KATNBL1: variants seen among roughly 807,000 people sequenced by gnomAD.
KATNBL1 encodes katanin regulatory subunit B1 like 1, also known as KATNB1-like protein 1.
A neutral mutation model predicts 44.7 loss-of-function variants in KATNBL1; 28 were observed. That is an observed-to-expected ratio of 0.63 (90% CI 0.46 to 0.86). The LOEUF is 0.86. Among genes scored for constraint, KATNBL1 ranks in the 40% least tolerant of loss-of-function variants. The pLI is 0.00. For synonymous variants in KATNBL1, 78 were observed against 114.9 expected, an observed-to-expected ratio of 0.68 and a Z score of 2.06; for missense variants, 272 against 350.7, an observed-to-expected ratio of 0.78 and a Z score of 1.79.
At chr15:34,206,424 G>C (rs941180203) in intron 1 of KATNBL1, among the ~76,000 whole-genome samples, 1 of 152,120 alleles carries the variant, frequency 6.6e-6, no homozygotes, top group Non-Finnish European at 1.5e-5. Context: ...AAAGTTAAGG[G>C]GTATTAAGCT....
chr15:34,148,458 T>G, intron 5 of KATNBL1, 174 bp downstream of exon 5: 1 of 470,764 alleles, frequency 2.1e-6, no homozygotes, highest in Non-Finnish European at 3.9e-6. Context: ...TGTGGTGATG[T>G]GCACCTGTAC....
In KATNBL1 at chr15:34,145,397, C is replaced by A. The variant is rs1385426580; in HGVS notation, c.882+1G>T. The A allele has an allele frequency of 1.4e-6, 2 of 1,441,646 alleles. No homozygotes were observed. The highest frequency in any genetic ancestry group is 1.8e-6 in the Non-Finnish European group (2 of 1,096,002). 89.3% of individuals were successfully genotyped at this position (1,441,646 alleles called of 1,614,324 possible). ...AATTTATAAGCTTAAATATAGATTA[C>A]CTTAGCTATATTACCAGTATATCCT... On this transcript the variant is annotated splice_donor_variant, in intron 9 of 9. Coordinates refer to ENST00000256544, the MANE Select transcript of KATNBL1 (RefSeq NM_024713.3). LOFTEE classifies it high-confidence loss of function.
chr15:34,154,470 G>T (rs1217440968), intron 3 of KATNBL1, among the ~76,000 whole-genome samples, 174 bp downstream of exon 3: 2 of 152,188 alleles, frequency 1.3e-5, no homozygotes, highest in African/African-American at 2.4e-5. Flanking sequence ...TAGGACTGTT[G>T]TAAGGAGCAG....
intron 1 of KATNBL1, among the ~76,000 whole-genome samples, chr15:34,183,084 T>C (rs1242181133): frequency 6.6e-6 from 1 of 152,246 alleles, no homozygotes; most frequent in African/African-American, 2.4e-5. Context: ...TCCATTCTTT[T>C]GTCTCCAGGA....
intron 1 of KATNBL1, among the ~76,000 whole-genome samples, chr15:34,196,843 A>C (rs1265056512): frequency 6.6e-6 from 1 of 152,238 alleles, no homozygotes; most frequent in Non-Finnish European, 1.5e-5. Flanking sequence ...ACAAAATCCT[A>C]AACTGTTACA....
At chr15:34,197,268 G>T (rs1890051985) in intron 1 of KATNBL1, among the ~76,000 whole-genome samples, 1 of 152,218 alleles carries the variant, frequency 6.6e-6, no homozygotes, top group Admixed American at 6.5e-5. Flanking sequence ...AGACTAGGCA[G>T]TATGGTGTGA....
intron 1 of KATNBL1, among the ~76,000 whole-genome samples, chr15:34,181,643 CATAT>C (rs768444046): frequency 9.0e-4 from 90 of 100,062 alleles, no homozygotes; most frequent in South Asian, 1.3e-3. Flanking sequence ...TATATATACA[CATAT>C]ATATGTCCAT....
chr15:34,165,769 G>C (rs1156829693), intron 1 of KATNBL1, among the ~76,000 whole-genome samples: 3 of 152,122 alleles, frequency 2.0e-5, no homozygotes, highest in Admixed American at 2.0e-4. Flanking sequence ...ACTCCAGCCT[G>C]GGTGACAGAG....
At chr15:34,158,617 T>C (rs1370567985) in intron 2 of KATNBL1, among the ~76,000 whole-genome samples, 1 of 152,010 alleles carries the variant, frequency 6.6e-6, no homozygotes, top group Non-Finnish European at 1.5e-5. Context: ...CCTTGTTTGC[T>C]CCAATTTTTT....
intron 2 of KATNBL1, among the ~76,000 whole-genome samples, chr15:34,160,741 G>C (rs1325122767): frequency 6.6e-6 from 1 of 152,088 alleles, no homozygotes; most frequent in Non-Finnish European, 1.5e-5. Context: ...CTTACTTGGG[G>C]TATTTCCCAT....
chr15:34,172,742 CAT>C (rs1345353318), intron 1 of KATNBL1, among the ~76,000 whole-genome samples: 3 of 135,448 alleles, frequency 2.2e-5, no homozygotes, highest in African/African-American at 5.7e-5. Flanking sequence ...CACACAGACA[CAT>C]AGACACACAG....
At chr15:34,193,172 G>A (rs1477407428) in intron 1 of KATNBL1, among the ~76,000 whole-genome samples, 4 of 135,742 alleles carry the variant, frequency 2.9e-5, no homozygotes, top group Non-Finnish European at 6.1e-5. Flanking sequence ...AACCGAGATC[G>A]CGCCACTGCA....
intron 1 of KATNBL1, among the ~76,000 whole-genome samples, chr15:34,181,758 A>ATATACACATATATATG (rs1889556631): frequency 1.4e-5 from 1 of 70,116 alleles, no homozygotes; most frequent in African/African-American, 7.5e-5. Flanking sequence ...CCATATATAT[A>ATATACACATATATATG]TCCATATATA....
intron 2 of KATNBL1, among the ~76,000 whole-genome samples, chr15:34,161,514 AT>A (rs1189238390): frequency 6.6e-6 from 1 of 152,204 alleles, no homozygotes; most frequent in East Asian, 1.9e-4. Flanking sequence ...CAGCAAGGCA[AT>A]TTACTTCTGC....
At chr15:34,193,613 A>G (rs549436726) in intron 1 of KATNBL1, among the ~76,000 whole-genome samples, 1 of 152,188 alleles carries the variant, frequency 6.6e-6, no homozygotes, top group South Asian at 2.1e-4. Flanking sequence ...GCAATTTGGG[A>G]GACAAATGCA....
In KATNBL1 at chr15:34,147,406, T is replaced by C; in HGVS notation, c.582A>G (p.Val194=). The C allele has an allele frequency of 2.5e-6, 4 of 1,613,432 alleles. No homozygotes were observed. Among genetic ancestry groups the C allele is most frequent in the Non-Finnish European group, 3.4e-6 (4 of 1,179,384 alleles). ...AATTGGTGAGCACAGGAAGGCAATCTACCACAACGCCAAGATCTTCTATCC... is the reference window on the plus strand; with the variant it reads ...AATTGGTGAGCACAGGAAGGCAATCCACCACAACGCCAAGATCTTCTATCC... The part of the protein sequence containing the change: ...LLRIEDLGVV[V]DCLPVLTNCL... Residue 194 remains valine (V), a synonymous_variant, in exon 6 of 10, where the codon GTA becomes GTG. Transcript: ENST00000256544.
chr15:34,154,235 C>T (rs148729111), intron 3 of KATNBL1, among the ~76,000 whole-genome samples: 118 of 152,308 alleles, frequency 7.7e-4, no homozygotes, highest in African/African-American at 2.7e-3. Context: ...TCTGACTTCA[C>T]AAATTCCATG....
rs940088081 is a variant in KATNBL1, at chr15:34,192,598, C to T, written c.-15+17353G>A. 3.9e-5 allele frequency among the ~76,000 whole-genome samples: 6 copies of T among 152,118 alleles called. No individual in the cohort carries two copies. In the South Asian group the frequency reaches 1.0e-3, roughly 26 times the overall value. On this transcript the variant is annotated intron_variant, in intron 1 of 9. Coordinates refer to ENST00000256544, the MANE Select transcript of KATNBL1 (RefSeq NM_024713.3). Reference sequence around the variant, plus strand: ...TCTCTTCAATGACTGTATACGAAATCGACTTTGTTTCAGTAAGTAATGTGA... The same window carrying T: ...TCTCTTCAATGACTGTATACGAAATTGACTTTGTTTCAGTAAGTAATGTGA...
At chr15:34,206,619 C>G (rs751170102) in intron 1 of KATNBL1, among the ~76,000 whole-genome samples, 2 of 152,022 alleles carry the variant, frequency 1.3e-5, no homozygotes, top group Non-Finnish European at 2.9e-5. Context: ...GGCGAAACCC[C>G]GTCTCAACTA....
Sources: allele counts gnomAD v4.1 joint callset (sites outside exome capture counted in the v4.1 genomes callset), GRCh38; gene constraint gnomAD v4.1.1; transcripts MANE v1.5; gene names NCBI Gene and HGNC (gene_info 2026-07-23, HGNC 2026-07-21).